Variants in SND1 observed in about 807,000 individuals in gnomAD.
SND1 encodes the protein staphylococcal nuclease domain-containing protein 1.
A neutral mutation model predicts 121.7 loss-of-function variants in SND1; 38 were observed. That is an observed-to-expected ratio of 0.31 (90% CI 0.24 to 0.41). SND1 has a LOEUF of 0.41. Among genes scored for constraint, SND1 ranks in the 10% least tolerant of loss-of-function variants. The pLI is 1.00. For missense variants in SND1, 868 were observed against 1,184.6 expected, an observed-to-expected ratio of 0.73 and a Z score of 3.92; for synonymous variants, 401 against 447.4, an observed-to-expected ratio of 0.90 and a Z score of 1.31.
chr7:127,719,494 C>G (rs931123651), intron 9 of SND1, among the ~76,000 whole-genome samples: 1 of 152,036 alleles, frequency 6.6e-6, no homozygotes, highest in Admixed American at 6.5e-5. Context: ...CTCATCCTGC[C>G]TTTGATTACC....
intron 18 of SND1, among the ~76,000 whole-genome samples, chr7:128,084,096 G>A (rs944358880): frequency 6.6e-6 from 1 of 152,200 alleles, no homozygotes; most frequent in African/African-American, 2.4e-5. Flanking sequence ...CATGTATCTT[G>A]CAGGGTGACA....
chr7:127,922,666 C>A (rs1237252608), intron 14 of SND1, among the ~76,000 whole-genome samples: 1 of 152,160 alleles, frequency 6.6e-6, no homozygotes, highest in African/African-American at 2.4e-5. Context: ...CTACTTTGCC[C>A]TGTGGCTTCC....
At chr7:127,694,655 CT>C (rs943004286) in intron 2 of SND1, 172 bp from the exon 3 acceptor site, 2 of 694,808 alleles carry the variant, frequency 2.9e-6, no homozygotes, top group African/African-American at 1.8e-5. Flanking sequence ...TATGAGCCCC[CT>C]AAGTGTGCGA....
chr7:127,746,700 A>G (rs911796193), intron 10 of SND1, among the ~76,000 whole-genome samples: 11 of 152,148 alleles, frequency 7.2e-5, no homozygotes, highest in African/African-American at 2.7e-4. Context: ...TCCTATGAAC[A>G]TTCATCTTTT....
chr7:127,926,549 C>CTTTTTTTTTTTTTTTTTTTTTT (rs71160605), intron 14 of SND1, among the ~76,000 whole-genome samples: 1 of 90,558 alleles, frequency 1.1e-5, no homozygotes. Context: ...TTTTCTTTTT[C>CTTTTTTTTTTTTTTTTTTTTTT]TTTTTTTTTT....
chr7:127,852,491 A>T (rs1446301583), intron 12 of SND1, among the ~76,000 whole-genome samples: 3 of 126,158 alleles, frequency 2.4e-5, no homozygotes, highest in Admixed American at 1.6e-4. Context: ...GACTCCCTCT[A>T]AAAAAAAAAA....
intron 10 of SND1, among the ~76,000 whole-genome samples, chr7:127,774,621 C>A (rs1305741858): frequency 1.3e-5 from 2 of 151,776 alleles, no homozygotes; most frequent in Non-Finnish European, 2.9e-5. Context: ...CTCTGTCGCC[C>A]AGGCTGAAGT....
chr7:127,733,199 C>T (rs906924873), intron 10 of SND1, among the ~76,000 whole-genome samples: 1 of 152,144 alleles, frequency 6.6e-6, no homozygotes. Context: ...TTCCCCTTTT[C>T]TCCCTTTACC....
At chr7:128,018,098 C>T (rs1331451413) in intron 16 of SND1, among the ~76,000 whole-genome samples, 1 of 152,248 alleles carries the variant, frequency 6.6e-6, no homozygotes, top group African/African-American at 2.4e-5. Context: ...CACCTCACTG[C>T]AGCTTTGTTC....
intron 15 of SND1, among the ~76,000 whole-genome samples, chr7:127,966,297 G>A (rs1801851434): frequency 6.6e-6 from 1 of 150,660 alleles, no homozygotes; most frequent in Non-Finnish European, 1.5e-5. Flanking sequence ...AGATCAACGA[G>A]ACAGAAAGTC....
At chr7:127,709,927 TAAA>T (rs956894286) in intron 9 of SND1, among the ~76,000 whole-genome samples, 4 of 152,018 alleles carry the variant, frequency 2.6e-5, no homozygotes, top group Admixed American at 1.3e-4. Context: ...GAAAAAAACA[TAAA>T]GAAGATAAGC....
chr7:127,930,052 A>G (rs1455818675), intron 15 of SND1, among the ~76,000 whole-genome samples: 1 of 152,202 alleles, frequency 6.6e-6, no homozygotes, highest in African/African-American at 2.4e-5. Context: ...GCTGGCAAAT[A>G]ATAGTTATTT....
At chr7:127,737,879 T>C (rs949873264) in intron 10 of SND1, among the ~76,000 whole-genome samples, 1 of 152,182 alleles carries the variant, frequency 6.6e-6, no homozygotes, top group African/African-American at 2.4e-5. Flanking sequence ...CAAATACACT[T>C]TAAGGCAAGA....
At chr7:127,864,335 T>C (rs1003974687) in intron 12 of SND1, among the ~76,000 whole-genome samples, 4 of 151,500 alleles carry the variant, frequency 2.6e-5, no homozygotes, top group Non-Finnish European at 5.9e-5. Flanking sequence ...TTCCTTCCAA[T>C]TGAGCCATCT....
At chr7:127,693,508 T>G (rs1289283458) in intron 2 of SND1, among the ~76,000 whole-genome samples, 1 of 152,192 alleles carries the variant, frequency 6.6e-6, no homozygotes, top group South Asian at 2.1e-4. Flanking sequence ...TGCCACCTTT[T>G]GATTGGTTTC....
At chr7:128,031,611 C>T (rs905138064) in intron 16 of SND1, 1 of 149,370 alleles carries the variant, frequency 6.7e-6, no homozygotes, top group Admixed American at 6.7e-5. Flanking sequence ...CCGTCCGGCC[C>T]CCGAGGACCA....
intron 5 of SND1, among the ~76,000 whole-genome samples, chr7:127,702,040 A>G (rs1269508819): frequency 2.0e-5 from 3 of 152,208 alleles, no homozygotes; most frequent in Admixed American, 6.5e-5. Flanking sequence ...TTTATATGCT[A>G]TATAGTTTTT....
chr7:127,887,555 T>C (rs1799935677), intron 12 of SND1, among the ~76,000 whole-genome samples: 1 of 152,138 alleles, frequency 6.6e-6, no homozygotes, highest in Non-Finnish European at 1.5e-5. Flanking sequence ...ATGTGCCTAA[T>C]ATTTTATAGC....
chr7:127,975,357 G>A (rs544645280), intron 15 of SND1, among the ~76,000 whole-genome samples: 7 of 151,938 alleles, frequency 4.6e-5, no homozygotes, highest in South Asian at 4.1e-4. Flanking sequence ...GCGCACGCGC[G>A]TGTGTATGTG....
Sources: gnomAD v4.1 joint callset for allele counts (sites outside exome capture counted in the v4.1 genomes callset) on GRCh38, gnomAD v4.1.1 for gene constraint, MANE v1.5 for transcripts, NCBI Gene and HGNC (gene_info 2026-07-23, HGNC 2026-07-21) for gene names.